BBS9: variants seen among roughly 807,000 people sequenced by gnomAD.
BBS9 encodes the protein protein PTHB1.
BBS9 carries 89 observed loss-of-function variants against 117.7 expected under a neutral mutation model. The observed-to-expected ratio is 0.76, with a 90% confidence interval of 0.64 to 0.90. The LOEUF (loss-of-function observed/expected upper bound fraction) is 0.90, where lower values mean the gene tolerates loss of function less well. Ranked by LOEUF, BBS9 falls within the 40% of genes least tolerant of loss-of-function variation. The probability of loss-of-function intolerance (pLI) is 0.00; values close to 1 mark genes in which losing one functional copy is unlikely to be tolerated. For missense variants in BBS9, 982 were observed against 1,042.2 expected (o/e 0.94, Z 0.80); for synonymous variants, 379 against 370.9 (o/e 1.02, Z -0.25).
chr7:33,205,442 C>G (rs371822565), intron 5 of BBS9, among the ~76,000 whole-genome samples: 1 of 152,212 alleles, frequency 6.6e-6, no homozygotes, highest in African/African-American at 2.4e-5. Context: ...ATCTTCCATT[C>G]CCAGTAAACT....
intron 19 of BBS9, among the ~76,000 whole-genome samples, chr7:33,449,800 C>T (rs559633598): frequency 6.6e-6 from 1 of 152,100 alleles, no homozygotes; most frequent in African/African-American, 2.4e-5. Flanking sequence ...TCATTCTTGG[C>T]CAATAACAGA....
intron 5 of BBS9, among the ~76,000 whole-genome samples, chr7:33,226,242 A>T (rs936850548): frequency 3.3e-5 from 5 of 151,926 alleles, no homozygotes; most frequent in Non-Finnish European, 7.4e-5. Context: ...TTTTTTTTCC[A>T]GGAGAATTTT....
chr7:33,615,564 A>G (rs1404623857), intron 21 of BBS9, among the ~76,000 whole-genome samples: 2 of 152,120 alleles, frequency 1.3e-5, no homozygotes, highest in African/African-American at 4.8e-5. Context: ...AAATACTGGA[A>G]CAAATATCCA....
intron 21 of BBS9, among the ~76,000 whole-genome samples, chr7:33,537,309 C>A (rs540489726): frequency 6.6e-6 from 1 of 152,220 alleles, no homozygotes; most frequent in Non-Finnish European, 1.5e-5. Context: ...GCCATGGTGA[C>A]AACATCCTCC....
intron 21 of BBS9, among the ~76,000 whole-genome samples, chr7:33,571,885 G>A (rs1487230756): frequency 2.6e-5 from 4 of 151,984 alleles, no homozygotes; most frequent in African/African-American, 9.7e-5. Flanking sequence ...GATCAAATTA[G>A]GGTAATTGGA....
chr7:33,387,852 ATTGTT>A (rs1490880183), intron 18 of BBS9, 135 bp from the exon 19 acceptor site: 23 of 929,824 alleles, frequency 2.5e-5, no homozygotes, highest in Non-Finnish European at 3.6e-5. Context: ...CAAATACCAC[ATTGTT>A]TTAATTCCCT....
chr7:33,424,080 G>A (rs1689426658), intron 19 of BBS9, among the ~76,000 whole-genome samples: 1 of 152,058 alleles, frequency 6.6e-6, no homozygotes. Flanking sequence ...GATGAACTTT[G>A]CTTTTCTCAT....
intron 19 of BBS9, among the ~76,000 whole-genome samples, chr7:33,440,725 G>GGAA (rs1433860924): frequency 6.6e-6 from 1 of 152,184 alleles, no homozygotes; most frequent in Non-Finnish European, 1.5e-5. Flanking sequence ...GGGAATTTTT[G>GGAA]AATATGGAAA....
At chr7:33,562,403 A>G (rs2129117460) in intron 21 of BBS9, among the ~76,000 whole-genome samples, 1 of 152,240 alleles carries the variant, frequency 6.6e-6, no homozygotes, top group East Asian at 1.9e-4. Flanking sequence ...AGGAAATGAA[A>G]TATTCTTTTC....
At chr7:33,579,309 T>G (rs1246803011) in intron 21 of BBS9, among the ~76,000 whole-genome samples, 1 of 152,160 alleles carries the variant, frequency 6.6e-6, no homozygotes, top group African/African-American at 2.4e-5. Flanking sequence ...CTATCTGAGA[T>G]GGAACAGGAC....
chr7:33,455,659 A>T (rs1383469921), intron 19 of BBS9, among the ~76,000 whole-genome samples: 1 of 152,200 alleles, frequency 6.6e-6, no homozygotes, highest in Non-Finnish European at 1.5e-5. Context: ...CTGGAAAACC[A>T]TCAATGGTGA....
chr7:33,231,191 AT>A (rs1049345603), intron 5 of BBS9, among the ~76,000 whole-genome samples: 3 of 150,368 alleles, frequency 2.0e-5, no homozygotes, highest in Non-Finnish European at 3.0e-5. Flanking sequence ...TTTTTTTGAG[AT>A]GGGGTCTCAC....
chr7:33,224,163 A>C (rs374662791), intron 5 of BBS9, among the ~76,000 whole-genome samples: 1 of 152,218 alleles, frequency 6.6e-6, no homozygotes, highest in East Asian at 1.9e-4. Flanking sequence ...GACATATTTG[A>C]TGAATGACTA....
chr7:33,220,178 T>C (rs1390640119), intron 5 of BBS9, among the ~76,000 whole-genome samples: 4 of 152,220 alleles, frequency 2.6e-5, no homozygotes, highest in Non-Finnish European at 5.9e-5. Flanking sequence ...TAGAGTCTTA[T>C]AATTGCAGTT....
intron 17 of BBS9, among the ~76,000 whole-genome samples, chr7:33,373,467 T>A (rs1310766419): frequency 6.6e-6 from 1 of 152,190 alleles, no homozygotes; most frequent in Non-Finnish European, 1.5e-5. Flanking sequence ...CCAAATCTGA[T>A]AATTCAAAAT....
At chr7:33,441,346 A>G (rs2128896874) in intron 19 of BBS9, among the ~76,000 whole-genome samples, 1 of 152,252 alleles carries the variant, frequency 6.6e-6, no homozygotes, top group East Asian at 1.9e-4. Context: ...CTTGGAAACC[A>G]TATCCCCAAG....
intron 20 of BBS9, among the ~76,000 whole-genome samples, chr7:33,531,963 C>A (rs1278131880): frequency 6.6e-6 from 1 of 152,232 alleles, no homozygotes; most frequent in Non-Finnish European, 1.5e-5. Context: ...CATCTCTGTG[C>A]AGCAAACATA....
At chr7:33,533,902 A>G (rs1392022202) in intron 20 of BBS9, 52 bp from the exon 21 acceptor site, 2 of 1,587,996 alleles carry the variant, frequency 1.3e-6, no homozygotes, top group African/African-American at 2.7e-5. Flanking sequence ...TCAAGTGCCC[A>G]CTTTTCTTAT....
chr7:33,565,140 G>T (rs1330410367), intron 21 of BBS9, among the ~76,000 whole-genome samples: 2 of 152,126 alleles, frequency 1.3e-5, no homozygotes, highest in African/African-American at 4.8e-5. Flanking sequence ...TATATGAAGT[G>T]CCTTGAGCTA....
Sources: allele counts gnomAD v4.1 joint callset (sites outside exome capture counted in the v4.1 genomes callset), GRCh38; gene constraint gnomAD v4.1.1; transcripts MANE v1.5; gene names NCBI Gene and HGNC (gene_info 2026-07-23, HGNC 2026-07-21).